USP34: variants seen among roughly 807,000 people sequenced by gnomAD.
USP34 encodes ubiquitin specific peptidase 34.
USP34 carries 70 observed loss-of-function variants against 460.3 expected under a neutral mutation model. The ratio of observed to expected loss-of-function variants is 0.15; its 90% CI spans 0.13 to 0.19. USP34 has a LOEUF of 0.19. Ranked by LOEUF, USP34 falls within the 10% of genes least tolerant of loss-of-function variation. The pLI is 1.00. For missense variants in USP34, 3,985 were observed against 4,236.2 expected, an observed-to-expected ratio of 0.94 and a Z score of 1.65; for synonymous variants, 1,647 against 1,405.3, an observed-to-expected ratio of 1.17 and a Z score of -3.85.
chr2:61,357,354 A>T (rs1236334347), intron 10 of USP34, among the ~76,000 whole-genome samples: 4 of 152,240 alleles, frequency 2.6e-5, no homozygotes, highest in Non-Finnish European at 4.4e-5. Context: ...AAATGAAATC[A>T]CAAGGGAAAT....
chr2:61,237,808 T>G (rs1393830339), intron 53 of USP34, among the ~76,000 whole-genome samples: 1 of 149,868 alleles, frequency 6.7e-6, no homozygotes, highest in African/African-American at 2.5e-5. Context: ...ACTCCTGGGG[T>G]CAAGCAATCC....
At chr2:61,300,928 T>G in intron 29 of USP34, 23 bp downstream of exon 29, 1 of 1,542,554 alleles carries the variant, frequency 6.5e-7, no homozygotes, top group Non-Finnish European at 8.8e-7. Flanking sequence ...AAAACAAGAT[T>G]TGTGAAAATG....
chr2:61,389,807 T>C (rs544184447), intron 5 of USP34, among the ~76,000 whole-genome samples: 1 of 152,114 alleles, frequency 6.6e-6, no homozygotes, highest in Admixed American at 6.6e-5. Context: ...AATGGAATTC[T>C]AGCAGCCCTC....
chr2:61,283,132 A>G lies in USP34; in HGVS notation c.4998+13T>C. The G allele has an allele frequency of 6.8e-6, 11 of 1,611,988 alleles. No homozygotes were observed. The highest frequency in any genetic ancestry group is 2.2e-5 in the East Asian group (1 of 44,758). On this transcript the variant is annotated intron_variant, in intron 37 of 79. Coordinates refer to ENST00000398571, the MANE Select transcript of USP34 (RefSeq NM_014709.4). ...CAAAAAATAACAGTACTAACCTTCAATCTTTATCTTACCTCAGGAATAAGG... is the reference window on the plus strand; with the variant it reads ...CAAAAAATAACAGTACTAACCTTCAGTCTTTATCTTACCTCAGGAATAAGG...
rs1013448632 is a variant in USP34, at chr2:61,228,067, C to T, written c.7443+578G>A. Among the ~76,000 whole-genome samples the T allele has an allele frequency of 3.9e-5, 6 of 152,116 alleles. 1 individual carries two copies. The highest frequency in any genetic ancestry group is 4.2e-4 in the South Asian group (2 of 4,808). ...AAGAGTTTTAGCTCAGTAGTCTGAC[C>T]GAGGATCAAAGCACAACAAGTCACT... On this transcript the variant is annotated intron_variant, in intron 61 of 79. Coordinates refer to ENST00000398571, the MANE Select transcript of USP34 (RefSeq NM_014709.4).
intron 62 of USP34, among the ~76,000 whole-genome samples, chr2:61,223,891 CATCA>C (rs1182272638): frequency 6.6e-6 from 1 of 152,056 alleles, no homozygotes; most frequent in Non-Finnish European, 1.5e-5. Context: ...ACAAGTATTC[CATCA>C]GTCAGCTTCA....
chr2:61,378,913 GA>G (rs34463913), intron 7 of USP34, among the ~76,000 whole-genome samples: 14,850 of 57,914 alleles, frequency 0.26, 304 homozygotes, highest in Middle Eastern at 0.3. Context: ...TCAAAAAAAC[GA>G]AAAAAAAAAA....
intron 27 of USP34, among the ~76,000 whole-genome samples, chr2:61,311,187 C>G (rs1690581283): frequency 6.6e-6 from 1 of 152,082 alleles, no homozygotes; most frequent in African/African-American, 2.4e-5. Context: ...TTTGGAGAGG[C>G]CATGAATGAA....
At position 61,405,921 on chromosome 2, in the gene USP34, T is replaced by C; in HGVS notation, c.339A>G (p.Glu113=). The C allele has an allele frequency of 6.2e-7, 1 of 1,613,884 alleles. No individual in the cohort carries two copies. Residue 113 remains glutamate (E), a synonymous_variant, in exon 3 of 80, where the codon GAA becomes GAG. Transcript: ENST00000398571. ...TTGATTTTTGTCTTTCTGTACTTCC[T>C]TCATTACACTCTCTATCTATATTCA... is the stretch of plus-strand genomic sequence containing the variant. ...EPLNIDRECN[E]GSTERQKSIE...
rs576165738 is a variant in USP34 at position 61,465,496 on chromosome 2, A to G, written c.43+5154T>C. On this transcript the variant is annotated intron_variant, in intron 1 of 79. Coordinates refer to ENST00000398571, the MANE Select transcript of USP34 (RefSeq NM_014709.4). ...CTTACTCTTATCAAAAAGTCTGTGC[A>G]TATCTAATACAAAGCTATACTACCC... 1.7e-4 allele frequency among the ~76,000 whole-genome samples: 26 copies of G among 152,350 alleles called. 1 individual carries two copies. In the South Asian group the frequency reaches 5.2e-3, roughly 30 times the overall value.
intron 68 of USP34, among the ~76,000 whole-genome samples, chr2:61,213,304 C>T (rs780227046): frequency 1.3e-5 from 2 of 152,076 alleles, no homozygotes; most frequent in South Asian, 2.1e-4. Flanking sequence ...GCCACTATGC[C>T]GGCCTGGGAT....
chr2:61,470,477 G>GGCCCGAGGCGCCGCGGCGGCCGC (rs1695920381), intron 1 of USP34, among the ~76,000 whole-genome samples, 173 bp downstream of exon 1: 1 of 148,296 alleles, frequency 6.7e-6, no homozygotes, highest in Non-Finnish European at 1.5e-5. Context: ...GGCCGGGCTG[G>GGCCCGAGGCGCCGCGGCGGCCGC]GCCCGAGGCG....
At chr2:61,331,229 G>C in intron 20 of USP34, 47 bp downstream of exon 20, 3 of 1,470,978 alleles carry the variant, frequency 2.0e-6, no homozygotes, top group South Asian at 1.3e-5. Flanking sequence ...TCTTTCAAAG[G>C]AAAGACATCG....
At chr2:61,425,722 A>G (rs879588735) in intron 1 of USP34, among the ~76,000 whole-genome samples, 22 of 152,096 alleles carry the variant, frequency 1.4e-4, no homozygotes, top group Non-Finnish European at 2.8e-4. Flanking sequence ...TAATGAATGA[A>G]CTGGGCACCA....
chr2:61,286,419 G>A (rs1188250350), intron 34 of USP34, among the ~76,000 whole-genome samples: 1 of 152,154 alleles, frequency 6.6e-6, no homozygotes, highest in Non-Finnish European at 1.5e-5. Flanking sequence ...ACTTTGGGAG[G>A]CCGAGGCAGG....
intron 75 of USP34, chr2:61,194,311 G>A (rs1686730069): frequency 8.1e-6 from 8 of 985,144 alleles, no homozygotes; most frequent in Non-Finnish European, 8.4e-6. Context: ...ACCCACCACG[G>A]TATCACCACA....
intron 10 of USP34, among the ~76,000 whole-genome samples, chr2:61,364,532 T>C (rs538371100): frequency 1.1e-3 from 172 of 152,332 alleles, no homozygotes; most frequent in Non-Finnish European, 2.0e-3. Flanking sequence ...CCCATTAACT[T>C]GTACACATAT....
chr2:61,283,893 G>A (rs139964145), intron 35 of USP34, among the ~76,000 whole-genome samples: 1 of 142,624 alleles, frequency 7.0e-6, no homozygotes, highest in African/African-American at 2.5e-5. Context: ...TTGAAGAAGA[G>A]AGTAGAATAA....
At chr2:61,469,076 G>A (rs1055173391) in intron 1 of USP34, among the ~76,000 whole-genome samples, 8 of 152,052 alleles carry the variant, frequency 5.3e-5, no homozygotes, top group Non-Finnish European at 1.2e-4. Flanking sequence ...GCATGGTGTG[G>A]GGAACCTACA....
Sources: gnomAD v4.1 joint callset for allele counts (sites outside exome capture counted in the v4.1 genomes callset) on GRCh38, gnomAD v4.1.1 for gene constraint, MANE v1.5 for transcripts, NCBI Gene and HGNC (gene_info 2026-07-23, HGNC 2026-07-21) for gene names.